Variants in SLC22A3 observed in about 807,000 individuals in gnomAD.
The protein encoded by SLC22A3 is EMT organic cation transporter 3.
SLC22A3 carries 51 observed loss-of-function variants against 59.1 expected under a neutral mutation model. The observed-to-expected ratio is 0.86, with a 90% CI of 0.69 to 1.09. SLC22A3 has a LOEUF of 1.09. Among genes scored for constraint, SLC22A3 ranks in the 50% least tolerant of loss-of-function variants. The pLI, the probability that SLC22A3 is intolerant of heterozygous loss-of-function variation, is 0.00. For synonymous variants in SLC22A3, 325 were observed against 292.0 expected (o/e 1.11, Z -1.15); for missense variants, 711 against 726.3 (o/e 0.98, Z 0.24).
In SLC22A3 at chr6:160,415,675, A is replaced by C. The variant is rs937275081; in HGVS notation, c.975+4829A>C. On this transcript the variant is annotated intron_variant, in intron 5 of 10. Transcript: ENST00000275300. This position sits in a 1 kb window ranked among gnomAD's most constrained non-coding sequence, Gnocchi z 4.1. The stretch of plus-strand genomic sequence containing the variant: ...TCACGACCTCTCTAATTCCCACCTC[A>C]TTCTCAGGGTGCCCATTATAGGGTG... Among the ~76,000 whole-genome samples, 3 of 152,116 alleles carry C rather than the reference A, an allele frequency of 2.0e-5. No individual in the cohort carries two copies. Among genetic ancestry groups the C allele is most frequent in the African/African-American group, 7.2e-5 (3 of 41,430 alleles).
At chr6:160,392,282 T>C (rs1263840148) in intron 1 of SLC22A3, among the ~76,000 whole-genome samples, 5 of 152,244 alleles carry the variant, frequency 3.3e-5, no homozygotes, top group Non-Finnish European at 5.9e-5. Context: ...CTTTGATTTC[T>C]ACCTAAATCC....
intron 5 of SLC22A3, chr6:160,425,725 G>A: frequency 1.4e-6 from 1 of 718,438 alleles, no homozygotes. Context: ...CTTTCACATT[G>A]AAATCTAGGT....
At chr6:160,425,721 C>T in intron 5 of SLC22A3, 1 of 665,780 alleles carries the variant, frequency 1.5e-6, no homozygotes, top group Non-Finnish European at 1.9e-6. Context: ...TAGCCTTTCA[C>T]ATTGAAATCT....
intron 5 of SLC22A3, among the ~76,000 whole-genome samples, chr6:160,412,177 C>T (rs911169424): frequency 6.6e-6 from 1 of 152,082 alleles, no homozygotes; most frequent in African/African-American, 2.4e-5. Context: ...GCCTGGCCAA[C>T]ATGGTGAAAC....
intron 1 of SLC22A3, among the ~76,000 whole-genome samples, chr6:160,385,183 T>G (rs949718788): frequency 3.4e-4 from 52 of 152,334 alleles, no homozygotes; most frequent in African/African-American, 1.2e-3. Context: ...TTACTTCTTG[T>G]TTCTTGTGTA....
At chr6:160,380,052 G>T (rs1785739582) in intron 1 of SLC22A3, among the ~76,000 whole-genome samples, 1 of 152,104 alleles carries the variant, frequency 6.6e-6, no homozygotes, top group Admixed American at 6.5e-5. Flanking sequence ...TAAAAACTTT[G>T]TGGAGAAAAT....
rs763459835 is a variant in SLC22A3, at chr6:160,451,059, C to T, written c.*3C>T. ...CAGTTTCCCGCTCTCACCTTTGAGGCCCCCGACAAAGACAGAAAGAAGGAG... is the reference window on the plus strand; with the variant it reads ...CAGTTTCCCGCTCTCACCTTTGAGGTCCCCGACAAAGACAGAAAGAAGGAG... On this transcript the variant is annotated 3_prime_UTR_variant, in exon 11 of 11. Coordinates refer to ENST00000275300, the MANE Select transcript of SLC22A3 (RefSeq NM_021977.4). 3.8e-5 allele frequency: 61 copies of T among 1,589,068 alleles called. No individual in the cohort carries two copies. The South Asian group carries it at 6.2e-4, about 16-fold the overall frequency.
At chr6:160,394,328 G>A (rs551906260) in intron 1 of SLC22A3, among the ~76,000 whole-genome samples, 1 of 152,320 alleles carries the variant, frequency 6.6e-6, no homozygotes, top group East Asian at 1.9e-4. Flanking sequence ...TCAGAAAAAA[G>A]TACTTAGCCT....
chr6:160,438,730 A>C (rs1429851957), intron 7 of SLC22A3, among the ~76,000 whole-genome samples: 1 of 152,148 alleles, frequency 6.6e-6, no homozygotes, highest in East Asian at 1.9e-4. Context: ...GGGCTGCTGT[A>C]ATAAGTACCA....
At chr6:160,447,112 AAAAG>A (rs1258246869) in intron 9 of SLC22A3, among the ~76,000 whole-genome samples, 8 of 152,354 alleles carry the variant, frequency 5.3e-5, no homozygotes, top group African/African-American at 1.9e-4. Flanking sequence ...AAAGAGCAGA[AAAAG>A]AAAGGATGGT....
intron 1 of SLC22A3, among the ~76,000 whole-genome samples, chr6:160,364,295 C>G (rs1264702907): frequency 6.6e-6 from 1 of 152,158 alleles, no homozygotes; most frequent in African/African-American, 2.4e-5. Context: ...CATAGGGGCC[C>G]TAAAGGTGAG....
intron 5 of SLC22A3, among the ~76,000 whole-genome samples, chr6:160,436,274 T>G (rs1293872807): frequency 6.6e-6 from 1 of 152,158 alleles, no homozygotes; most frequent in African/African-American, 2.4e-5. Context: ...AAAAGACCAG[T>G]TTCTTGGATG....
At chr6:160,405,915 G>A (rs911866907) in intron 2 of SLC22A3, among the ~76,000 whole-genome samples, 4 of 152,120 alleles carry the variant, frequency 2.6e-5, no homozygotes, top group Admixed American at 1.3e-4. Context: ...GTTGCTAGAG[G>A]GTGGGGAGAG....
At chr6:160,393,766 A>T (rs557282799) in intron 1 of SLC22A3, among the ~76,000 whole-genome samples, 1 of 152,310 alleles carries the variant, frequency 6.6e-6, no homozygotes, top group Admixed American at 6.5e-5. Context: ...TTTTAAGGAT[A>T]ATTTAGAAAT....
chr6:160,390,978 T>C (rs938591233), intron 1 of SLC22A3, among the ~76,000 whole-genome samples: 1 of 152,176 alleles, frequency 6.6e-6, no homozygotes, highest in African/African-American at 2.4e-5. Flanking sequence ...GGCTGGTAGA[T>C]GCATCACCCC....
chr6:160,427,817 C>T (rs1788017023), intron 5 of SLC22A3, among the ~76,000 whole-genome samples: 1 of 152,156 alleles, frequency 6.6e-6, no homozygotes, highest in Non-Finnish European at 1.5e-5. Context: ...TCATGGAACT[C>T]AAAATTTTGT....
chr6:160,372,040 ATTTG>A (rs201623027), intron 1 of SLC22A3, among the ~76,000 whole-genome samples: 1,765 of 151,992 alleles, frequency 0.012, 33 homozygotes, highest in Middle Eastern at 0.076. Flanking sequence ...TTTCTTGTAA[ATTTG>A]TTTAAGTTTG....
chr6:160,363,297 C>T lies in SLC22A3; in HGVS notation c.429+14449C>T, dbSNP rs117367907. On this transcript the variant is annotated intron_variant, in intron 1 of 10. Coordinates refer to ENST00000275300, the MANE Select transcript of SLC22A3 (RefSeq NM_021977.4). ...CTGCTGGGCCTAGTCTCGCTTCTGT[C>T]GTGACCCCTTGTCTAGGAAGATCCC... Among the ~76,000 whole-genome samples, 391 of 152,332 alleles carry T rather than the reference C, an allele frequency of 2.6e-3. 9 individuals are homozygous for T. The highest frequency in any genetic ancestry group is 0.024 in the Admixed American group (361 of 15,310).
At chr6:160,411,325 T>A (rs1003387385) in intron 5 of SLC22A3, among the ~76,000 whole-genome samples, 1 of 152,182 alleles carries the variant, frequency 6.6e-6, no homozygotes, top group African/African-American at 2.4e-5. Flanking sequence ...TGAGCAGTAA[T>A]GTAATATTTC....
Sources: gnomAD v4.1 joint callset for allele counts (sites outside exome capture counted in the v4.1 genomes callset) on GRCh38, gnomAD v4.1.1 for gene constraint, Gnocchi (gnomAD v3.1) non-coding constraint, MANE v1.5 for transcripts, NCBI Gene and HGNC (gene_info 2026-07-23, HGNC 2026-07-21) for gene names.